KCNMA1: variants seen among roughly 807,000 people sequenced by gnomAD.
KCNMA1 encodes the protein Calcium-activated potassium channel subunit alpha-1.
Under a neutral mutation model 140.0 loss-of-function variants are expected in KCNMA1, and 29 were observed. That is an observed-to-expected ratio of 0.21 (90% CI 0.15 to 0.28). The LOEUF (loss-of-function observed/expected upper bound fraction) is 0.28. Ranked by LOEUF, KCNMA1 falls within the 10% of genes least tolerant of loss-of-function variation. The pLI is 1.00. For synonymous variants in KCNMA1, 612 were observed against 611.9 expected, an observed-to-expected ratio of 1.00 and a Z score of 0.00; for missense variants, 880 against 1,602.2, an observed-to-expected ratio of 0.55 and a Z score of 7.70.
At position 77,056,018 on chromosome 10, in the gene KCNMA1, C is replaced by T. The variant is rs375826432; in HGVS notation, c.1750-16381G>A. Among the ~76,000 whole-genome samples the T allele has an allele frequency of 4.3e-3, 652 of 152,298 alleles. 2 individuals are homozygous for T. The highest frequency in any genetic ancestry group is 0.017 in the South Asian group (82 of 4,830). On this transcript the variant is annotated intron_variant, in intron 14 of 27. Transcript: ENST00000286628. ...GGACAGATCCAAATAGCACTGCCAA[C>T]GCTTTGAAAACTCAACTAACATTGA...
At chr10:77,146,572 T>G (rs1457158983) in intron 5 of KCNMA1, among the ~76,000 whole-genome samples, 1 of 151,578 alleles carries the variant, frequency 6.6e-6, no homozygotes, top group Non-Finnish European at 1.5e-5. Flanking sequence ...CGTGGTGGCC[T>G]GCACCTGTAG....
chr10:77,237,649 C>T (rs1275591058), intron 3 of KCNMA1, among the ~76,000 whole-genome samples: 1 of 152,052 alleles, frequency 6.6e-6, no homozygotes, highest in Non-Finnish European at 1.5e-5. Context: ...TCCAGGGCCT[C>T]ACTACATTGC....
chr10:77,023,086 G>C, intron 16 of KCNMA1: 1 of 332,248 alleles, frequency 3.0e-6, no homozygotes, highest in Non-Finnish European at 6.1e-6. Context: ...TCCATGAGAG[G>C]AGCACCGCGT....
At chr10:77,447,959 A>C (rs2097559949) in intron 1 of KCNMA1, among the ~76,000 whole-genome samples, 1 of 152,242 alleles carries the variant, frequency 6.6e-6, no homozygotes, top group African/African-American at 2.4e-5. Context: ...ATCTGGTGCA[A>C]TATAAATAGC....
intron 1 of KCNMA1, among the ~76,000 whole-genome samples, chr10:77,614,066 G>A (rs1379079776): frequency 6.6e-6 from 1 of 152,192 alleles, no homozygotes; most frequent in Non-Finnish European, 1.5e-5. Context: ...AGGCCTGGGT[G>A]GGTGTCTAGT....
chr10:77,318,616 C>T (rs1428981401), intron 2 of KCNMA1, among the ~76,000 whole-genome samples: 1 of 152,132 alleles, frequency 6.6e-6, no homozygotes, highest in Non-Finnish European at 1.5e-5. Flanking sequence ...GGTAGGCACC[C>T]TTTCAATGTT....
At chr10:77,480,599 G>T (rs964231522) in intron 1 of KCNMA1, among the ~76,000 whole-genome samples, 1 of 152,132 alleles carries the variant, frequency 6.6e-6, no homozygotes, top group African/African-American at 2.4e-5. Flanking sequence ...GTCTAAGCTT[G>T]CCCAGAAGGT....
At chr10:77,504,002 G>C (rs555352074) in intron 1 of KCNMA1, among the ~76,000 whole-genome samples, 2 of 152,248 alleles carry the variant, frequency 1.3e-5, no homozygotes, top group African/African-American at 4.8e-5. Flanking sequence ...GGGTCCAATG[G>C]GGGGCAGGGC....
intron 12 of KCNMA1, among the ~76,000 whole-genome samples, chr10:77,082,047 C>T (rs1374215837): frequency 3.4e-5 from 3 of 87,482 alleles, no homozygotes; most frequent in African/African-American, 4.5e-5. Context: ...TTTTTTAAGA[C>T]GGAGCCTCGC....
intron 2 of KCNMA1, among the ~76,000 whole-genome samples, chr10:77,304,822 G>A (rs746276218): frequency 9.9e-5 from 15 of 152,166 alleles, no homozygotes; most frequent in East Asian, 3.9e-4. Context: ...CCCACACCCC[G>A]TGTGCAGCAC....
intron 1 of KCNMA1, among the ~76,000 whole-genome samples, chr10:77,446,155 G>A (rs1011173677): frequency 6.6e-6 from 1 of 152,172 alleles, no homozygotes; most frequent in Admixed American, 6.5e-5. Context: ...TGAAACTTCT[G>A]TTCGGTGTCC....
At position 76,944,869 on chromosome 10, in the gene KCNMA1, T is replaced by C. The variant is rs201167566; in HGVS notation, c.2806A>G (p.Thr936Ala). The change falls in exon 23 of 28, where the codon ACT becomes GCT. Residue 936 changes from threonine to alanine, a missense_variant. By Grantham distance (58) the Thr-to-Ala change is moderately conservative. Coordinates refer to ENST00000286628, the MANE Select transcript of KCNMA1 (RefSeq NM_001161352.2). ...LSANQNNIDD[T>A]SLQDKECILA... ...ATGCATTCCTTGTCCTGCAGCGAAG[T>C]ATCATCAATATTATTCTGATTGGCT... 14 of 1,613,998 alleles carry C rather than the reference T, an allele frequency of 8.7e-6. No individual in the cohort carries two copies. Among genetic ancestry groups the C allele is most frequent in the Admixed American group, 1.7e-5 (1 of 60,006 alleles).
intron 2 of KCNMA1, among the ~76,000 whole-genome samples, chr10:77,348,618 G>A (rs2092496524): frequency 1.3e-5 from 2 of 152,220 alleles, no homozygotes; most frequent in South Asian, 4.1e-4. Context: ...CGTCTTGAAA[G>A]AAGAAGCTTT....
intron 2 of KCNMA1, among the ~76,000 whole-genome samples, chr10:77,268,341 CACACAGACACTCAT>C (rs1438411522): frequency 3.3e-5 from 5 of 152,194 alleles, no homozygotes; most frequent in African/African-American, 1.2e-4. Flanking sequence ...AAAACACACA[CACACAGACACTCAT>C]GCTGTTCGCA....
intron 1 of KCNMA1, among the ~76,000 whole-genome samples, chr10:77,472,726 G>A (rs949916710): frequency 2.0e-5 from 3 of 152,154 alleles, no homozygotes; most frequent in Non-Finnish European, 2.9e-5. Flanking sequence ...ATATCTGTGC[G>A]TGCAGAAGCA....
chr10:77,397,994 T>C (rs568109607), intron 2 of KCNMA1, among the ~76,000 whole-genome samples: 3 of 151,766 alleles, frequency 2.0e-5, no homozygotes, highest in South Asian at 4.1e-4. Context: ...TGTTTGTATA[T>C]ATATAAATGT....
chr10:77,568,976 C>T (rs1471133687), intron 1 of KCNMA1, among the ~76,000 whole-genome samples: 2 of 142,506 alleles, frequency 1.4e-5, no homozygotes, highest in African/African-American at 2.6e-5. Flanking sequence ...GAGTGAACTC[C>T]CATTCACAAT....
chr10:77,157,349 A>C (rs2098499781), intron 5 of KCNMA1, among the ~76,000 whole-genome samples: 1 of 152,138 alleles, frequency 6.6e-6, no homozygotes, highest in African/African-American at 2.4e-5. Flanking sequence ...GGCTAGTACA[A>C]GTTCATTTTA....
At chr10:77,399,613 G>T (rs2096194167) in intron 2 of KCNMA1, among the ~76,000 whole-genome samples, 1 of 152,192 alleles carries the variant, frequency 6.6e-6, no homozygotes, top group Non-Finnish European at 1.5e-5. Flanking sequence ...GCTATTCTGA[G>T]ATCTGGAGCC....
Sources: allele counts gnomAD v4.1 joint callset (sites outside exome capture counted in the v4.1 genomes callset), GRCh38; gene constraint gnomAD v4.1.1; transcripts MANE v1.5; gene names NCBI Gene and HGNC (gene_info 2026-07-23, HGNC 2026-07-21).